The following DPY19L4 variants were observed in gnomAD, a reference collection of about 807,000 sequenced individuals.
DPY19L4 encodes dpy-19 like 4.
A neutral mutation model predicts 102.8 loss-of-function variants in DPY19L4; 97 were observed. The ratio of observed to expected loss-of-function variants is 0.94; its 90% CI spans 0.80 to 1.12. The LOEUF (loss-of-function observed/expected upper bound fraction) is 1.12, where lower values mean the gene tolerates loss of function less well. DPY19L4 is among the 50% of genes most tolerant of loss of function. The pLI, the probability that DPY19L4 is intolerant of heterozygous loss-of-function variation, is 0.00. For missense variants in DPY19L4, 815 were observed against 850.4 expected (o/e 0.96, Z 0.52); for synonymous variants, 252 against 283.1 (o/e 0.89, Z 1.10).
At chr8:94,751,028 G>C (rs537868473) in intron 6 of DPY19L4, among the ~76,000 whole-genome samples, 149 of 151,858 alleles carry the variant, frequency 9.8e-4, no homozygotes, top group African/African-American at 3.4e-3. Context: ...TGATCTGCCT[G>C]CCTCAGCCTC....
chr8:94,757,502 C>T lies in DPY19L4; in HGVS notation c.735+1343C>T, dbSNP rs181173532. On this transcript the variant is annotated intron_variant, in intron 7 of 18. Coordinates refer to ENST00000414645, the MANE Select transcript of DPY19L4 (RefSeq NM_181787.3). The stretch of plus-strand genomic sequence containing the variant: ...TCTGCTCACTGCAACCTCTGCGTCC[C>T]GGGCTCAAGCGATTCTCCTGCCTCA... 3.0e-3 allele frequency among the ~76,000 whole-genome samples: 451 copies of T among 152,118 alleles called. 3 individuals are homozygous for T. The highest frequency in any genetic ancestry group is 0.01 in the African/African-American group (435 of 41,474).
chr8:94,750,851 C>T (rs1230716263), intron 6 of DPY19L4, among the ~76,000 whole-genome samples: 2 of 150,924 alleles, frequency 1.3e-5, no homozygotes, highest in Non-Finnish European at 1.5e-5. Context: ...GGCGCAATCT[C>T]GGCTCACTGC....
chr8:94,792,306 A>G lies in DPY19L4; in HGVS notation c.*2396A>G, dbSNP rs1403909733. 1 of 152,088 alleles carries G rather than the reference A, an allele frequency of 6.6e-6. No individual in the cohort carries two copies. Among genetic ancestry groups the G allele is most frequent in the Non-Finnish European group, 1.5e-5 (1 of 68,150 alleles). The allele number at this position is 152,088 out of a possible 1,614,324, so 9.4% of individuals were successfully genotyped here. ...GAGTGCAATGGCGCGATCTTGGCTC[A>G]CTGCAACCTCCGCTCGCTGCAACCT... On this transcript the variant is annotated 3_prime_UTR_variant, in exon 19 of 19. Transcript: ENST00000414645.
intron 17 of DPY19L4, among the ~76,000 whole-genome samples, chr8:94,787,174 G>A (rs1023463204): frequency 1.3e-5 from 2 of 152,022 alleles, no homozygotes; most frequent in African/African-American, 2.4e-5. Context: ...TGTTACAATC[G>A]CATAGAAGTG....
At chr8:94,720,251 TG>T (rs1810399060) in intron 1 of DPY19L4, 1 of 985,092 alleles carries the variant, frequency 1.0e-6, no homozygotes, top group Non-Finnish European at 1.2e-6. Flanking sequence ...AGCTGAAAGT[TG>T]GGAATCCGTA....
intron 8 of DPY19L4, among the ~76,000 whole-genome samples, chr8:94,763,705 T>G (rs1207584805): frequency 1.3e-5 from 2 of 151,878 alleles, no homozygotes; most frequent in East Asian, 3.9e-4. Context: ...TTTTTATTTT[T>G]AGTAGAGAAT....
At position 94,770,586 on chromosome 8, in the gene DPY19L4, T is replaced by C. The variant is rs1392633349; in HGVS notation, c.1454+15T>C. On this transcript the variant is annotated intron_variant, in intron 13 of 18. Coordinates refer to ENST00000414645, the MANE Select transcript of DPY19L4 (RefSeq NM_181787.3). ...GTTATAGAAGGGTAAGTGTACTTTA[T>C]TTGATCCCTTTGTTTTAACAAAGAT... 1.2e-6 allele frequency: 2 copies of C among 1,612,494 alleles called. No individual in the cohort carries two copies. Among genetic ancestry groups the C allele is most frequent in the African/African-American group, 1.3e-5 (1 of 74,860 alleles).
intron 17 of DPY19L4, among the ~76,000 whole-genome samples, chr8:94,786,547 T>TC (rs1813661728): frequency 1.3e-5 from 2 of 152,008 alleles, no homozygotes; most frequent in African/African-American, 4.8e-5. Context: ...GAACTGAACC[T>TC]AAGTTCCCAA....
At position 94,720,015 on chromosome 8, in the gene DPY19L4, G is replaced by A. The variant is rs933838520; in HGVS notation, c.16+1G>A. The A allele has an allele frequency of 1.6e-5, 24 of 1,531,758 alleles. No individual in the cohort carries two copies. Among genetic ancestry groups the A allele is most frequent in the Middle Eastern group, 2.2e-4 (1 of 4,600 alleles). The allele number at this position is 1,531,758 out of a possible 1,614,324, so 94.9% of individuals were successfully genotyped here. On this transcript the variant is annotated splice_donor_variant, in intron 1 of 18. Coordinates refer to ENST00000414645, the MANE Select transcript of DPY19L4 (RefSeq NM_181787.3). LOFTEE classifies it high-confidence loss of function. ...GCAGAAACGATGGCGGAGGAAGAAG[G>A]TGATTGCCGCGGGGTCCAGCGCGCC...
intron 9 of DPY19L4, 91 bp from the exon 10 acceptor site, chr8:94,765,620 G>A: frequency 1.0e-6 from 1 of 1,002,940 alleles, no homozygotes; most frequent in East Asian, 2.4e-5. Flanking sequence ...ACAGGCTTGA[G>A]CCACTGTGCT....
intron 13 of DPY19L4, among the ~76,000 whole-genome samples, chr8:94,774,288 C>A (rs1057389114): frequency 1.1e-4 from 16 of 151,918 alleles, no homozygotes; most frequent in African/African-American, 3.6e-4. Context: ...CTCAAGCCAT[C>A]CTCCCACCTC....
intron 6 of DPY19L4, among the ~76,000 whole-genome samples, chr8:94,742,693 G>A (rs2130827621): frequency 6.6e-6 from 1 of 151,930 alleles, no homozygotes; most frequent in East Asian, 2.0e-4. Context: ...CGAGTAGCTG[G>A]GATTACAGGC....
intron 8 of DPY19L4, among the ~76,000 whole-genome samples, chr8:94,764,953 C>G (rs1296613467): frequency 6.7e-6 from 1 of 150,274 alleles, no homozygotes; most frequent in Non-Finnish European, 1.5e-5. Context: ...TGTCTCGAAC[C>G]CCTGACCTCA....
intron 2 of DPY19L4, among the ~76,000 whole-genome samples, chr8:94,730,123 T>G (rs993188447): frequency 6.6e-6 from 1 of 152,064 alleles, no homozygotes; most frequent in Admixed American, 6.6e-5. Flanking sequence ...TCTCAACATA[T>G]CATTGGCTTT....
chr8:94,763,237 G>A (rs200245290), intron 8 of DPY19L4, among the ~76,000 whole-genome samples: 131 of 145,388 alleles, frequency 9.0e-4, no homozygotes, highest in African/African-American at 2.9e-3. Context: ...GTGAGCCACC[G>A]CACCTGGCCA....
At chr8:94,739,120 C>G (rs1157900265) in intron 4 of DPY19L4, among the ~76,000 whole-genome samples, 2 of 152,092 alleles carry the variant, frequency 1.3e-5, no homozygotes, top group African/African-American at 4.8e-5. Flanking sequence ...TCCTATCTAG[C>G]TGTAATTTTG....
chr8:94,734,728 C>T lies in DPY19L4; in HGVS notation c.226C>T (p.Arg76Trp), dbSNP rs764314300. ...TCTCTACTTATCAGCATACCATGAA[C>T]GGAAATTCTGGTTTTCCAACAGGCA... ...YALYLSAYHERKFWFSNRQEL... is the reference protein window; with the variant it reads ...YALYLSAYHEWKFWFSNRQEL... The change falls in exon 3 of 19, where the codon CGG becomes TGG. Residue 76 changes from arginine to tryptophan, a missense_variant. By Grantham distance (101) the Arg-to-Trp change is moderately radical. Coordinates refer to ENST00000414645, the MANE Select transcript of DPY19L4 (RefSeq NM_181787.3). The T allele has an allele frequency of 5.2e-5, 84 of 1,613,466 alleles. No individual in the cohort carries two copies. Among genetic ancestry groups the T allele is most frequent in the Admixed American group, 1.5e-4 (9 of 59,838 alleles).
At chr8:94,744,722 T>C in intron 6 of DPY19L4, 1 of 359,896 alleles carries the variant, frequency 2.8e-6, no homozygotes, top group South Asian at 2.1e-5. Context: ...AGAATAAGAC[T>C]CTCTTTAGAG....
chr8:94,739,868 C>T, intron 6 of DPY19L4, 78 bp downstream of exon 6: 5 of 1,523,126 alleles, frequency 3.3e-6, no homozygotes, highest in Non-Finnish European at 2.7e-6. Context: ...GCCTCCCCTC[C>T]CCAACAGTCC....
Sources: gnomAD v4.1 joint callset for allele counts (sites outside exome capture counted in the v4.1 genomes callset) on GRCh38, gnomAD v4.1.1 for gene constraint, MANE v1.5 for transcripts, NCBI Gene and HGNC (gene_info 2026-07-23, HGNC 2026-07-21) for gene names.